CNST: variants seen among roughly 807,000 people sequenced by gnomAD.
The protein encoded by CNST is consortin.
A neutral mutation model predicts 72.4 loss-of-function variants in CNST; 39 were observed. The ratio of observed to expected loss-of-function variants is 0.54; its 90% CI spans 0.42 to 0.70. CNST has a LOEUF of 0.70. Ranked by LOEUF, CNST falls within the 30% of genes least tolerant of loss-of-function variation. CNST has a pLI of 0.00. For synonymous variants in CNST, 332 were observed against 320.1 expected (o/e 1.04, Z -0.40); for missense variants, 871 against 868.5 (o/e 1.00, Z -0.04).
intron 6 of CNST, among the ~76,000 whole-genome samples, chr1:246,641,506 G>A (rs1412274461): frequency 6.6e-6 from 1 of 152,034 alleles, no homozygotes; most frequent in African/African-American, 2.4e-5. Context: ...CTGGAATATA[G>A]CATTTGTTGC....
intron 1 of CNST, among the ~76,000 whole-genome samples, chr1:246,576,971 T>C (rs1383445318): frequency 6.6e-6 from 1 of 152,002 alleles, no homozygotes; most frequent in Non-Finnish European, 1.5e-5. Flanking sequence ...CATTTGGAAG[T>C]CTCATTCTAA....
intron 8 of CNST, among the ~76,000 whole-genome samples, chr1:246,643,734 G>A: frequency 6.6e-6 from 1 of 152,132 alleles, no homozygotes. Flanking sequence ...TAAATTCTGG[G>A]GAAAGAAATG....
intron 10 of CNST, among the ~76,000 whole-genome samples, chr1:246,661,454 T>C (rs1206159660): frequency 6.6e-6 from 1 of 152,218 alleles, no homozygotes; most frequent in African/African-American, 2.4e-5. Flanking sequence ...ACTCCTCCTT[T>C]ATTGTGGAAA....
At chr1:246,634,745 G>A (rs917988351) in intron 6 of CNST, among the ~76,000 whole-genome samples, 158 bp downstream of exon 6, 9 of 152,210 alleles carry the variant, frequency 5.9e-5, no homozygotes, top group African/African-American at 1.2e-4. Context: ...TTCGAACCCC[G>A]GGAGCGCGCC....
chr1:246,606,021 G>A lies in CNST; in HGVS notation c.379+14080G>A, dbSNP rs1313599508. ...CCTGTCTATTTGGTTATAGAAAAAG[G>A]GAAAAGGGGCGACTTTCTCCATAAC... On this transcript the variant is annotated intron_variant, in intron 2 of 10. Coordinates refer to ENST00000366513, the MANE Select transcript of CNST (RefSeq NM_152609.3). The A allele has an allele frequency of 2.0e-5, 3 of 152,282 alleles. No individual in the cohort carries two copies. In the East Asian group the frequency reaches 5.8e-4, roughly 29 times the overall value. The allele number at this position is 152,282 out of a possible 1,614,324, so 9.4% of individuals were successfully genotyped here.
chr1:246,587,641 G>C (rs1321867506), intron 1 of CNST, among the ~76,000 whole-genome samples: 3 of 152,158 alleles, frequency 2.0e-5, no homozygotes, highest in African/African-American at 7.2e-5. Context: ...AGTAAAACTT[G>C]TGTATATCTG....
intron 2 of CNST, among the ~76,000 whole-genome samples, chr1:246,604,933 C>T (rs1354668527): frequency 6.6e-6 from 1 of 152,176 alleles, no homozygotes; most frequent in Admixed American, 6.5e-5. Flanking sequence ...TCCCAGAGTG[C>T]TGGGATTACA....
At chr1:246,635,077 G>A (rs942069725) in intron 6 of CNST, among the ~76,000 whole-genome samples, 1 of 151,066 alleles carries the variant, frequency 6.6e-6, no homozygotes, top group Non-Finnish European at 1.5e-5. Flanking sequence ...GGAGGGAGGA[G>A]TTATTCATCC....
chr1:246,608,488 A>G (rs1048242253), intron 2 of CNST, among the ~76,000 whole-genome samples: 7 of 152,238 alleles, frequency 4.6e-5, no homozygotes, highest in Non-Finnish European at 8.8e-5. Flanking sequence ...GAATCCAAAC[A>G]TTAATGCTTA....
rs1050946748 is a variant in CNST at position 246,591,493 on chromosome 1, T to C, written c.-51-19T>C. 88 of 1,554,808 alleles carry C rather than the reference T, an allele frequency of 5.7e-5. No homozygotes were observed. Among genetic ancestry groups the C allele is most frequent in the Non-Finnish European group, 7.1e-5 (81 of 1,144,926 alleles). ...AAAGGTTAGAAAATGAAGTAGCTTTTTTCTTTTTGTCATTGTAGACATGGA... is the reference window on the plus strand; with the variant it reads ...AAAGGTTAGAAAATGAAGTAGCTTTCTTCTTTTTGTCATTGTAGACATGGA... On this transcript the variant is annotated intron_variant, in intron 1 of 10. Transcript: ENST00000366513.
intron 3 of CNST, among the ~76,000 whole-genome samples, chr1:246,630,078 CAT>C (rs1368987672): frequency 6.6e-5 from 10 of 152,320 alleles, no homozygotes; most frequent in African/African-American, 2.4e-4. Flanking sequence ...GTAACCCCCT[CAT>C]ATGCTGGAAC....
At chr1:246,634,064 A>G (rs1664970047) in intron 5 of CNST, 54 bp downstream of exon 5, 1 of 1,090,388 alleles carries the variant, frequency 9.2e-7, no homozygotes, top group Non-Finnish European at 1.4e-6. Flanking sequence ...ACAAGTCACT[A>G]TCTACAAAAT....
chr1:246,657,291 G>T (rs1469515618), intron 9 of CNST, among the ~76,000 whole-genome samples: 1 of 152,054 alleles, frequency 6.6e-6, no homozygotes, highest in Admixed American at 6.6e-5. Flanking sequence ...CATAAGCTTG[G>T]CCCACCGTCC....
At chr1:246,583,135 G>A (rs896667785) in intron 1 of CNST, among the ~76,000 whole-genome samples, 2 of 152,180 alleles carry the variant, frequency 1.3e-5, no homozygotes, top group African/African-American at 4.8e-5. Flanking sequence ...AGTATTTTGT[G>A]TCTCCTCTGG....
chr1:246,614,602 G>A (rs574458236), intron 2 of CNST, among the ~76,000 whole-genome samples: 67 of 151,422 alleles, frequency 4.4e-4, no homozygotes, highest in African/African-American at 1.5e-3. Context: ...CTCCTGAGTA[G>A]CTGGGATTAT....
At chr1:246,623,955 C>G (rs1312248227) in intron 3 of CNST, among the ~76,000 whole-genome samples, 1 of 151,304 alleles carries the variant, frequency 6.6e-6, no homozygotes, top group East Asian at 1.9e-4. Flanking sequence ...CCCAGCTACT[C>G]AGGACGCTAA....
At chr1:246,648,391 C>T (rs1666252723) in intron 9 of CNST, 1 of 220,618 alleles carries the variant, frequency 4.5e-6, no homozygotes, top group African/African-American at 2.3e-5. Context: ...TTTTTCTTCT[C>T]ATACATCTAG....
Position 246,659,555 on chromosome 1 carries a change from A to G in CNST, c.1837-644A>G, listed in dbSNP as rs182269246. ...GATTGCAGTGAGCCGAGATCGCGCC[A>G]CTGCACTCCAGCCTGGGCGACAGAG... On this transcript the variant is annotated intron_variant, in intron 9 of 10. Coordinates refer to ENST00000366513, the MANE Select transcript of CNST (RefSeq NM_152609.3). Among the ~76,000 whole-genome samples the G allele has an allele frequency of 2.9e-3, 434 of 152,080 alleles. 1 individual carries two copies. Among genetic ancestry groups the G allele is most frequent in the Middle Eastern group, 0.01 (3 of 294 alleles).
intron 4 of CNST, among the ~76,000 whole-genome samples, chr1:246,633,448 C>CAAAAAAAA (rs796468053): frequency 2.8e-5 from 3 of 108,244 alleles, no homozygotes; most frequent in Admixed American, 1.0e-4. Flanking sequence ...GACTGTGTCT[C>CAAAAAAAA]AAAAAAAAAA....
Sources: gnomAD v4.1 joint callset for allele counts (sites outside exome capture counted in the v4.1 genomes callset) on GRCh38, gnomAD v4.1.1 for gene constraint, MANE v1.5 for transcripts, NCBI Gene and HGNC (gene_info 2026-07-23, HGNC 2026-07-21) for gene names.